The following DERA variants were observed in gnomAD, a reference collection of about 807,000 sequenced individuals.
DERA encodes the protein 2-deoxy-D-ribose 5-phosphate aldolase.
DERA carries 15 observed loss-of-function variants against 41.1 expected under a neutral mutation model. The ratio of observed to expected loss-of-function variants is 0.37; its 90% CI spans 0.24 to 0.56. The LOEUF (loss-of-function observed/expected upper bound fraction) is 0.56. Among genes scored for constraint, DERA ranks in the 20% least tolerant of loss-of-function variants. The probability of loss-of-function intolerance (pLI) is 0.81; values close to 1 mark genes in which losing one functional copy is unlikely to be tolerated. For synonymous variants in DERA, 139 were observed against 137.4 expected, an observed-to-expected ratio of 1.01 and a Z score of -0.08; for missense variants, 396 against 403.4, an observed-to-expected ratio of 0.98 and a Z score of 0.16.
intron 5 of DERA, among the ~76,000 whole-genome samples, chr12:15,978,940 A>G (rs142968442): frequency 3.3e-5 from 5 of 152,328 alleles, no homozygotes; most frequent in African/African-American, 1.2e-4. Context: ...TGAGGTGTGC[A>G]TACTTCTATC....
intron 1 of DERA, among the ~76,000 whole-genome samples, chr12:15,932,104 G>A (rs1948332734): frequency 6.6e-6 from 1 of 152,164 alleles, no homozygotes; most frequent in African/African-American, 2.4e-5. Flanking sequence ...TGGACTAAGA[G>A]CATATAATAA....
rs575380396 is a variant in DERA, at chr12:15,976,717, T to G, written c.509-5591T>G. Reference sequence around the variant, plus strand: ...CTGAAGGAAAAATGATTGATTACCTTCCTAACCGTTTTAATACTTTTATAT... The same window carrying G: ...CTGAAGGAAAAATGATTGATTACCTGCCTAACCGTTTTAATACTTTTATAT... On this transcript the variant is annotated intron_variant, in intron 5 of 8. Coordinates refer to ENST00000428559, the MANE Select transcript of DERA (RefSeq NM_015954.4). This position sits in a 1 kb window ranked among gnomAD's most constrained non-coding sequence, Gnocchi z 4.1. Among the ~76,000 whole-genome samples, 1 of 152,322 alleles carries G rather than the reference T, an allele frequency of 6.6e-6. No homozygotes were observed. The highest frequency in any genetic ancestry group is 2.1e-4 in the South Asian group (1 of 4,826).
rs1592032513 is a variant in DERA, at chr12:15,981,058, C to T, written c.509-1250C>T. The stretch of plus-strand genomic sequence containing the variant: ...TTTACTCTGTATGTTTATAAAACTA[C>T]TTCCTATGGGCCGGGCACCGTGGCT... On this transcript the variant is annotated intron_variant, in intron 5 of 8. Coordinates refer to ENST00000428559, the MANE Select transcript of DERA (RefSeq NM_015954.4). The surrounding 1 kb of genome is among the most constrained non-coding windows in gnomAD (Gnocchi z 6.1). 6.6e-6 allele frequency among the ~76,000 whole-genome samples: 1 copy of T among 152,166 alleles called. No individual in the cohort carries two copies. The highest frequency in any genetic ancestry group is 3.4e-3 in the Middle Eastern group (1 of 294).
intron 2 of DERA, 109 bp from the exon 3 acceptor site, chr12:15,958,079 T>A: frequency 1.2e-6 from 1 of 834,252 alleles, no homozygotes. Flanking sequence ...AGGCATAAGA[T>A]ATTAACACCC....
chr12:16,018,620 C>A (rs960216310), intron 6 of DERA, among the ~76,000 whole-genome samples: 1 of 151,836 alleles, frequency 6.6e-6, no homozygotes. Flanking sequence ...TCTGTTTGAC[C>A]AAATTGATTA....
chr12:16,034,894 A>G (rs1032395866), intron 7 of DERA, among the ~76,000 whole-genome samples: 2 of 152,206 alleles, frequency 1.3e-5, no homozygotes, highest in African/African-American at 4.8e-5. Context: ...GTATGCTAAT[A>G]TCAACTAATT....
intron 6 of DERA, among the ~76,000 whole-genome samples, chr12:16,023,698 C>G: frequency 6.6e-6 from 1 of 151,678 alleles, no homozygotes; most frequent in East Asian, 1.9e-4. Context: ...GGGATGGTCT[C>G]GATCTCCTGA....
Position 16,029,701 on chromosome 12 carries a change from C to T in DERA, c.638-2841C>T, listed in dbSNP as rs901654932. Among the ~76,000 whole-genome samples, 7 of 152,056 alleles carry T rather than the reference C, an allele frequency of 4.6e-5. No homozygotes were observed. The East Asian group carries it at 1.4e-3, about 30-fold the overall frequency. ...CTGCCCCTAAACGTCCAGAAAGGGG[C>T]ATAGACATGCAAATAATGTGTAGGC... On this transcript the variant is annotated intron_variant, in intron 6 of 8. Coordinates refer to ENST00000428559, the MANE Select transcript of DERA (RefSeq NM_015954.4).
Position 16,009,350 on chromosome 12 carries a change from A to T in DERA, c.638-23192A>T, listed in dbSNP as rs1948932898. ...GTGATGAAAATGTCACCATCAAACCAGTCTTAACTGTTCATCCTATATACA... is the reference window on the plus strand; with the variant it reads ...GTGATGAAAATGTCACCATCAAACCTGTCTTAACTGTTCATCCTATATACA... On this transcript the variant is annotated intron_variant, in intron 6 of 8. Transcript: ENST00000428559. This position sits in a 1 kb window ranked among gnomAD's most constrained non-coding sequence, Gnocchi z 5.3. Among the ~76,000 whole-genome samples, 1 of 152,220 alleles carries T rather than the reference A, an allele frequency of 6.6e-6. No homozygotes were observed.
intron 6 of DERA, among the ~76,000 whole-genome samples, chr12:15,987,160 C>A (rs945372783): frequency 5.4e-5 from 8 of 149,162 alleles, no homozygotes; most frequent in African/African-American, 2.0e-4. Flanking sequence ...CTGAACTTTT[C>A]TGAGCTGCTT....
chr12:15,979,000 CT>C (rs1948716386), intron 5 of DERA, among the ~76,000 whole-genome samples: 1 of 152,200 alleles, frequency 6.6e-6, no homozygotes, highest in Non-Finnish European at 1.5e-5. Context: ...AGTTAAGTAA[CT>C]TACCCAAATC....
chr12:15,935,486 CA>C lies in DERA; in HGVS notation c.32-21443del, dbSNP rs148720629. Among the ~76,000 whole-genome samples, 1 of 151,540 alleles carries C rather than the reference CA, an allele frequency of 6.6e-6. No individual in the cohort carries two copies. The highest frequency in any genetic ancestry group is 1.5e-5 in the Non-Finnish European group (1 of 67,926). On this transcript the variant is annotated intron_variant, in intron 1 of 8. Transcript: ENST00000428559. The surrounding 1 kb of genome is among the most constrained non-coding windows in gnomAD (Gnocchi z 4.8). ...TGGGCAACAGAGTGAGACCCTGTCT[CA>C]AAAAAATAAAAAGTTTCACTATAAT...
Position 16,036,505 on chromosome 12 carries a change from A to T in DERA, c.900+124A>T. The T allele has an allele frequency of 8.2e-7, 1 of 1,226,262 alleles. No individual in the cohort carries two copies. The allele number at this position is 1,226,262 out of a possible 1,614,324, so 76.0% of individuals were successfully genotyped here. A position where few individuals can be genotyped will look rare whatever the true frequency, so the allele number is the denominator to read the frequency against. On this transcript the variant is annotated intron_variant, in intron 8 of 8. Coordinates refer to ENST00000428559, the MANE Select transcript of DERA (RefSeq NM_015954.4). The surrounding 1 kb of genome is among the most constrained non-coding windows in gnomAD (Gnocchi z 4.9). ...TTGACCTCATCCTACCCAATCCTCT[A>T]CCTTTTCTTCCAAGCAAACCGCCAT...
intron 5 of DERA, among the ~76,000 whole-genome samples, chr12:15,973,764 A>G (rs933283547): frequency 6.6e-6 from 1 of 152,146 alleles, no homozygotes; most frequent in East Asian, 1.9e-4. Context: ...TCAAGGATAT[A>G]TTGAAGGAAA....
In DERA at chr12:15,935,724, A is replaced by G. The variant is rs1037978398; in HGVS notation, c.32-21212A>G. On this transcript the variant is annotated intron_variant, in intron 1 of 8. Coordinates refer to ENST00000428559, the MANE Select transcript of DERA (RefSeq NM_015954.4). The surrounding 1 kb of genome is among the most constrained non-coding windows in gnomAD (Gnocchi z 4.8). The stretch of plus-strand genomic sequence containing the variant: ...CTAGAATCTTTTCATATTGGTTTCT[A>G]TATGTTGTTTGTTGTTGTGTAATAT... Among the ~76,000 whole-genome samples the G allele has an allele frequency of 2.0e-5, 3 of 152,140 alleles. No individual in the cohort carries two copies. The highest frequency in any genetic ancestry group is 2.9e-5 in the Non-Finnish European group (2 of 68,020).
In DERA at chr12:15,988,939, T is replaced by A. The variant is rs1948783976; in HGVS notation, c.637+6503T>A. ...GCTGGCGTGTCAGCGCTGCCCTGAA[T>A]GTGTGCACACTCAGCCAGATTGCGG... On this transcript the variant is annotated intron_variant, in intron 6 of 8. Coordinates refer to ENST00000428559, the MANE Select transcript of DERA (RefSeq NM_015954.4). The surrounding 1 kb of genome is among the most constrained non-coding windows in gnomAD (Gnocchi z 6.0). Among the ~76,000 whole-genome samples the A allele has an allele frequency of 6.6e-6, 1 of 152,202 alleles. No homozygotes were observed. The highest frequency in any genetic ancestry group is 1.5e-5 in the Non-Finnish European group (1 of 68,014).
At chr12:16,023,521 A>G (rs530660694) in intron 6 of DERA, among the ~76,000 whole-genome samples, 1 of 120,366 alleles carries the variant, frequency 8.3e-6, no homozygotes, top group Admixed American at 1.1e-4. Flanking sequence ...TCTGTCACCC[A>G]GGCTGGAGTG....
At chr12:15,944,248 A>T (rs1209910809) in intron 1 of DERA, among the ~76,000 whole-genome samples, 2 of 152,170 alleles carry the variant, frequency 1.3e-5, no homozygotes, top group Non-Finnish European at 2.9e-5. Flanking sequence ...ATATCCAGTA[A>T]TGGGATGGCT....
At chr12:15,929,513 A>G (rs1279812944) in intron 1 of DERA, among the ~76,000 whole-genome samples, 1 of 151,648 alleles carries the variant, frequency 6.6e-6, no homozygotes, top group Non-Finnish European at 1.5e-5. Flanking sequence ...CTGTCTGCTT[A>G]TAGTCACAGT....
Sources: gnomAD v4.1 joint callset for allele counts (sites outside exome capture counted in the v4.1 genomes callset) on GRCh38, gnomAD v4.1.1 for gene constraint, Gnocchi (gnomAD v3.1) non-coding constraint, MANE v1.5 for transcripts, NCBI Gene and HGNC (gene_info 2026-07-23, HGNC 2026-07-21) for gene names.